Variants in ADNP observed in about 807,000 individuals in gnomAD.
ADNP encodes the protein activity dependent neuroprotector homeobox, also known as activity-dependent neuroprotector homeobox protein.
A neutral mutation model predicts 84.9 loss-of-function variants in ADNP; 4 were observed. The ratio of observed to expected loss-of-function variants is 0.05; its 90% CI spans 0.02 to 0.11. The LOEUF (loss-of-function observed/expected upper bound fraction) is 0.11, where lower values mean the gene tolerates loss of function less well. Ranked by LOEUF, ADNP falls within the 10% of genes least tolerant of loss-of-function variation. The pLI, the probability that ADNP is intolerant of heterozygous loss-of-function variation, is 1.00. For synonymous variants in ADNP, 554 were observed against 468.1 expected (o/e 1.18, Z -2.37); for missense variants, 1,132 against 1,326.0 (o/e 0.85, Z 2.27).
intron 2 of ADNP, chr20:50,913,828 T>A (rs1983280102): frequency 2.0e-6 from 1 of 511,554 alleles, no homozygotes; most frequent in Admixed American, 2.6e-5. Context: ...CCCCTGGCTA[T>A]GAGAACTGAC....
chr20:50,901,860 T>TA (rs1281963538), intron 5 of ADNP, among the ~76,000 whole-genome samples, 157 bp downstream of exon 5: 1 of 152,216 alleles, frequency 6.6e-6, no homozygotes, highest in Non-Finnish European at 1.5e-5. Flanking sequence ...AAGTTTTTCT[T>TA]AGTCTTCCCA....
chr20:50,915,198 C>G (rs898684682), intron 2 of ADNP, among the ~76,000 whole-genome samples: 1 of 152,108 alleles, frequency 6.6e-6, no homozygotes, highest in African/African-American at 2.4e-5. Flanking sequence ...TTCCTTCCTG[C>G]CTTTACCTCA....
intron 2 of ADNP, among the ~76,000 whole-genome samples, chr20:50,913,284 A>AAAAAAAAAAG: frequency 7.2e-6 from 1 of 139,760 alleles, no homozygotes; most frequent in Non-Finnish European, 1.5e-5. Context: ...AAAAAAAAAA[A>AAAAAAAAAAG]AAAAGGTATC....
At chr20:50,917,622 T>G (rs1031530365) in intron 2 of ADNP, among the ~76,000 whole-genome samples, 2 of 152,200 alleles carry the variant, frequency 1.3e-5, no homozygotes, top group African/African-American at 4.8e-5. Flanking sequence ...CTTCCTTTTT[T>G]TCAAAGGAGG....
At chr20:50,924,266 C>G (rs1014804239) in intron 2 of ADNP, among the ~76,000 whole-genome samples, 20 of 152,314 alleles carry the variant, frequency 1.3e-4, no homozygotes, top group African/African-American at 4.8e-4. Context: ...AACTTCCCAG[C>G]AGAAATATGC....
At chr20:50,910,370 C>A (rs536221518) in intron 2 of ADNP, among the ~76,000 whole-genome samples, 49 of 152,196 alleles carry the variant, frequency 3.2e-4, no homozygotes, top group African/African-American at 1.2e-3. Context: ...TGTCTCACAC[C>A]CATAATCCCA....
chr20:50,925,122 T>C (rs1396315091), intron 2 of ADNP, among the ~76,000 whole-genome samples: 1 of 152,174 alleles, frequency 6.6e-6, no homozygotes, highest in East Asian at 1.9e-4. Flanking sequence ...ACTGAATTAA[T>C]ACACAGAGAT....
intron 5 of ADNP, among the ~76,000 whole-genome samples, 188 bp downstream of exon 5, chr20:50,901,829 C>A (rs1360055820): frequency 1.3e-5 from 2 of 152,122 alleles, no homozygotes; most frequent in Admixed American, 6.5e-5. Flanking sequence ...AAGTTTTAGT[C>A]CAATGACAAA....
intron 2 of ADNP, among the ~76,000 whole-genome samples, chr20:50,911,635 G>T (rs1051538318): frequency 6.6e-6 from 1 of 151,618 alleles, no homozygotes; most frequent in African/African-American, 2.4e-5. Flanking sequence ...GGCACACCAA[G>T]AATTAGTGGA....
intron 2 of ADNP, chr20:50,913,811 C>A: frequency 2.0e-6 from 1 of 497,102 alleles, no homozygotes. Flanking sequence ...GGATTCTGGC[C>A]AATAAACCCC....
Position 50,893,230 on chromosome 20 carries a change from TTACAG to T in ADNP, c.1479_1483del (p.Tyr493Ter). The T allele has an allele frequency of 6.2e-7, 1 of 1,614,244 alleles. No individual in the cohort carries two copies. Among genetic ancestry groups the T allele is most frequent in the Non-Finnish European group, 8.5e-7 (1 of 1,180,046 alleles). On this transcript the variant is annotated stop_gained and frameshift_variant, in exon 6 of 6. Coordinates refer to ENST00000621696, the MANE Select transcript of ADNP (RefSeq NM_001282531.3). LOFTEE classifies it high-confidence loss of function. This position sits in a 1 kb window ranked among gnomAD's most constrained non-coding sequence, Gnocchi z 4.4. ...CAGAGTATCTGTGGGTAAATAGCGA[TTACAG>T]TAGAGGCATTTGCTAGTAAAATTGT...
chr20:50,895,389 A>G (rs1211899741), intron 5 of ADNP, among the ~76,000 whole-genome samples: 1 of 152,248 alleles, frequency 6.6e-6, no homozygotes, highest in Non-Finnish European at 1.5e-5. Context: ...AACATAGCTG[A>G]GCACAGAAAA....
At position 50,931,308 on chromosome 20, in the gene ADNP, C is replaced by T. The variant is rs1276336807; in HGVS notation, c.-747G>A. On this transcript the variant is annotated 5_prime_UTR_variant, in exon 1 of 6. Coordinates refer to ENST00000621696, the MANE Select transcript of ADNP (RefSeq NM_001282531.3). ...TCCCGGCGGGCGGCGGAGGGGAGAC[C>T]GGGCCGGCGGAGGCGGCGGCGGCAA... 1 of 68,046 alleles carries T rather than the reference C, an allele frequency of 1.5e-5. No homozygotes were observed. The highest frequency in any genetic ancestry group is 3.9e-4 in the East Asian group (1 of 2,558). 4.2% of individuals were successfully genotyped at this position (68,046 alleles called of 1,614,324 possible).
In ADNP at chr20:50,894,087, G is replaced by T. The variant is rs139387382; in HGVS notation, c.627C>A (p.Val209=). ...CTTCTCGGGCATTCGAGCCTAAGGG[G>T]ACTGCCCCATTGAGTGATTTTTCTC... is the stretch of plus-strand genomic sequence containing the variant. The part of the protein sequence containing the change: ...KAGEKSLNGA[V]PLGSNAREES... Residue 209 remains valine, a synonymous_variant, in exon 6 of 6, where the codon GTC becomes GTA. Transcript: ENST00000621696. 36 of 1,614,024 alleles carry T rather than the reference G, an allele frequency of 2.2e-5. No individual in the cohort carries two copies. In the African/African-American group the frequency reaches 4.5e-4, roughly 20 times the overall value.
intron 2 of ADNP, among the ~76,000 whole-genome samples, 184 bp downstream of exon 2, chr20:50,928,467 G>C (rs1210410146): frequency 1.3e-5 from 2 of 152,198 alleles, no homozygotes; most frequent in African/African-American, 4.8e-5. Context: ...TAAAAAAGCT[G>C]TAAGTAATTT....
intron 2 of ADNP, among the ~76,000 whole-genome samples, chr20:50,927,020 T>C (rs1054137088): frequency 5.3e-5 from 8 of 152,198 alleles, no homozygotes; most frequent in African/African-American, 1.2e-4. Flanking sequence ...CAACTTCACA[T>C]AGTATGCCTT....
chr20:50,924,009 C>T (rs1157523629), intron 2 of ADNP, among the ~76,000 whole-genome samples: 2 of 152,130 alleles, frequency 1.3e-5, no homozygotes, highest in African/African-American at 4.8e-5. Context: ...TCAAAAGAGA[C>T]CACTCAAAAG....
intron 2 of ADNP, among the ~76,000 whole-genome samples, chr20:50,924,797 G>A (rs987746824): frequency 6.6e-6 from 1 of 152,160 alleles, no homozygotes; most frequent in African/African-American, 2.4e-5. Context: ...AGGGTATTAG[G>A]ATATGCAGAT....
At chr20:50,916,671 T>G (rs1276707928) in intron 2 of ADNP, among the ~76,000 whole-genome samples, 1 of 152,222 alleles carries the variant, frequency 6.6e-6, no homozygotes, top group African/African-American at 2.4e-5. Flanking sequence ...AATACATTTG[T>G]GTCAGTGGCA....
Sources: allele counts gnomAD v4.1 joint callset (sites outside exome capture counted in the v4.1 genomes callset), GRCh38; gene constraint gnomAD v4.1.1; non-coding constraint Gnocchi (gnomAD v3.1); transcripts MANE v1.5; gene names NCBI Gene and HGNC (gene_info 2026-07-23, HGNC 2026-07-21).